PDZD2: variants seen among roughly 807,000 people sequenced by gnomAD.
The protein encoded by PDZD2 is PDZ domain-containing protein 2.
PDZD2 carries 90 observed loss-of-function variants against 220.7 expected under a neutral mutation model. The observed-to-expected ratio is 0.41, with a 90% CI of 0.34 to 0.49. The LOEUF is 0.49. Ranked by LOEUF, PDZD2 falls within the 20% of genes least tolerant of loss-of-function variation. PDZD2 has a pLI of 0.28. For missense variants in PDZD2, 3,174 were observed against 3,608.5 expected (o/e 0.88, Z 3.08); for synonymous variants, 1,375 against 1,450.5 (o/e 0.95, Z 1.18).
At chr5:31,766,811 C>T (rs1475375902) in intron 1 of PDZD2, among the ~76,000 whole-genome samples, 8 of 151,426 alleles carry the variant, frequency 5.3e-5, no homozygotes, top group Non-Finnish European at 2.9e-5. Context: ...CTCACTGCAA[C>T]CTCTGCCTCC....
intron 1 of PDZD2, among the ~76,000 whole-genome samples, chr5:31,654,302 C>G (rs1034487997): frequency 6.6e-6 from 1 of 152,118 alleles, no homozygotes; most frequent in Non-Finnish European, 1.5e-5. Flanking sequence ...CTCTGGATAC[C>G]ACACTCTTCA....
At chr5:32,021,685 C>T (rs889057866) in intron 6 of PDZD2, among the ~76,000 whole-genome samples, 3 of 152,192 alleles carry the variant, frequency 2.0e-5, no homozygotes, top group Admixed American at 6.5e-5. Flanking sequence ...CACATTTTAG[C>T]ACTTAAAATC....
intron 1 of PDZD2, among the ~76,000 whole-genome samples, chr5:31,758,688 G>A (rs1477028439): frequency 6.6e-6 from 1 of 152,130 alleles, no homozygotes; most frequent in African/African-American, 2.4e-5. Context: ...TTCCTTGGAA[G>A]AGTCCTCCTC....
At chr5:32,076,279 C>T (rs567318955) in intron 18 of PDZD2, among the ~76,000 whole-genome samples, 1 of 119,436 alleles carries the variant, frequency 8.4e-6, no homozygotes, top group East Asian at 2.6e-4. Context: ...GAGCAAGACT[C>T]GGTCTCAAGA....
At chr5:31,884,451 C>T (rs188447757) in intron 2 of PDZD2, among the ~76,000 whole-genome samples, 156 of 152,242 alleles carry the variant, frequency 1.0e-3, no homozygotes, top group South Asian at 2.3e-3. Context: ...ACTTTGGAAT[C>T]AAGATAGAGG....
intron 2 of PDZD2, chr5:31,923,217 C>T (rs1281492470): frequency 7.0e-6 from 3 of 430,604 alleles, no homozygotes; most frequent in Middle Eastern, 7.2e-4. Context: ...GAGCTGAGAT[C>T]GTGCCATTGC....
chr5:31,925,607 CAAGT>C (rs1356115900), intron 2 of PDZD2, among the ~76,000 whole-genome samples: 2 of 152,058 alleles, frequency 1.3e-5, no homozygotes, highest in Admixed American at 6.6e-5. Flanking sequence ...CAAAAATTGA[CAAGT>C]AAGACCTAAG....
At chr5:32,015,433 G>A (rs1236929990) in intron 6 of PDZD2, among the ~76,000 whole-genome samples, 2 of 151,802 alleles carry the variant, frequency 1.3e-5, no homozygotes, top group Non-Finnish European at 2.9e-5. Context: ...TACTTTTTTT[G>A]TAGGGATGGG....
At chr5:31,733,756 G>A (rs1233571864) in intron 1 of PDZD2, among the ~76,000 whole-genome samples, 3 of 152,170 alleles carry the variant, frequency 2.0e-5, no homozygotes, top group Admixed American at 6.5e-5. Context: ...GAGAGCTATC[G>A]CCGTTCCTGT....
chr5:31,972,842 A>G (rs1393058975), intron 2 of PDZD2, among the ~76,000 whole-genome samples: 1 of 152,168 alleles, frequency 6.6e-6, no homozygotes, highest in African/African-American at 2.4e-5. Flanking sequence ...TCATCAAGAT[A>G]AGTTGTGTGG....
intron 2 of PDZD2, among the ~76,000 whole-genome samples, chr5:31,939,180 G>C (rs1444113712): frequency 6.6e-6 from 1 of 152,312 alleles, no homozygotes; most frequent in South Asian, 2.1e-4. Flanking sequence ...CAGGTTGTCA[G>C]AGCTGGGAGG....
intron 1 of PDZD2, among the ~76,000 whole-genome samples, chr5:31,687,818 A>G (rs904280698): frequency 6.6e-6 from 1 of 152,024 alleles, no homozygotes; most frequent in African/African-American, 2.4e-5. Context: ...TCCTCTTCCT[A>G]TGAGGGCACT....
At chr5:31,984,548 G>A (rs974392427) in intron 3 of PDZD2, among the ~76,000 whole-genome samples, 6 of 152,172 alleles carry the variant, frequency 3.9e-5, no homozygotes, top group Non-Finnish European at 8.8e-5. Context: ...GGGCGTAGGA[G>A]TATCAAGTTG....
Position 31,920,393 on chromosome 5 carries a change from C to T in PDZD2, c.477-62762C>T, listed in dbSNP as rs913568346. Among the ~76,000 whole-genome samples, 9 of 4,036 alleles carry T rather than the reference C, an allele frequency of 2.2e-3. No homozygotes were observed. In the East Asian group the frequency reaches 0.25, roughly 112 times the overall value. 2.6% of individuals were successfully genotyped at this position (4,036 alleles called of 152,430 possible). ...TACAGCCTCCCCCATGATCAACGCC[C>T]CCCCCCCCCACTGGGGTGGTGCATT... is the stretch of plus-strand genomic sequence containing the variant. On this transcript the variant is annotated intron_variant, in intron 2 of 24. Transcript: ENST00000438447.
At chr5:32,014,743 G>C (rs1259760108) in intron 6 of PDZD2, among the ~76,000 whole-genome samples, 1 of 98,392 alleles carries the variant, frequency 1.0e-5, no homozygotes, top group Non-Finnish European at 1.6e-5. Flanking sequence ...TTGAGATGGA[G>C]TTTCACTCTG....
intron 1 of PDZD2, among the ~76,000 whole-genome samples, chr5:31,769,000 G>A (rs1335430611): frequency 1.3e-5 from 2 of 152,192 alleles, no homozygotes; most frequent in African/African-American, 2.4e-5. Flanking sequence ...CAGTAAATTC[G>A]TCCAGAATGA....
At chr5:32,012,363 A>G (rs537064529) in intron 6 of PDZD2, among the ~76,000 whole-genome samples, 24 of 152,228 alleles carry the variant, frequency 1.6e-4, no homozygotes, top group African/African-American at 5.3e-4. Flanking sequence ...GCTTACAAGC[A>G]CGCATATTTT....
At chr5:31,746,832 G>A (rs1285746454) in intron 1 of PDZD2, among the ~76,000 whole-genome samples, 1 of 152,184 alleles carries the variant, frequency 6.6e-6, no homozygotes, top group East Asian at 1.9e-4. Context: ...TCCCTGTAAC[G>A]AAAGACAGGT....
chr5:31,906,492 C>T (rs1252509900), intron 2 of PDZD2, among the ~76,000 whole-genome samples: 3 of 151,834 alleles, frequency 2.0e-5, no homozygotes, highest in Admixed American at 1.3e-4. Context: ...TTACAGGTGT[C>T]AGCCACCATG....
Sources: allele counts gnomAD v4.1 joint callset (sites outside exome capture counted in the v4.1 genomes callset), GRCh38; gene constraint gnomAD v4.1.1; transcripts MANE v1.5; gene names NCBI Gene and HGNC (gene_info 2026-07-23, HGNC 2026-07-21).